The following GPHN variants were observed in gnomAD, a reference collection of about 807,000 sequenced individuals.
GPHN encodes the protein gephyrin.
GPHN carries 17 observed loss-of-function variants against 95.5 expected under a neutral mutation model. The ratio of observed to expected loss-of-function variants is 0.18; its 90% CI spans 0.12 to 0.27. The LOEUF is 0.27. Among genes scored for constraint, GPHN ranks in the 10% least tolerant of loss-of-function variants. GPHN has a pLI of 1.00. For synonymous variants in GPHN, 320 were observed against 322.5 expected, an observed-to-expected ratio of 0.99 and a Z score of 0.08; for missense variants, 660 against 978.1, an observed-to-expected ratio of 0.67 and a Z score of 4.34.
chr14:66,588,496 A>G (rs9944145), intron 1 of GPHN, among the ~76,000 whole-genome samples: 49,710 of 151,888 alleles, frequency 0.33, 11,972 homozygotes, highest in African/African-American at 0.65. Context: ...CTTGAAAAAA[A>G]GTTAGATGAA....
chr14:66,818,705 T>C (rs1363934347), intron 3 of GPHN, among the ~76,000 whole-genome samples: 7 of 152,198 alleles, frequency 4.6e-5, no homozygotes, highest in African/African-American at 1.7e-4. Context: ...TTGAACTAAT[T>C]TACCCTCCCA....
the GPHN span, chr14:67,592,794 A>AT: frequency 2.1e-6 from 2 of 970,540 alleles, no homozygotes; most frequent in East Asian, 2.6e-5. Context: ...TCCTTTATTT[A>AT]TTTATTTTTG....
intron 10 of GPHN, among the ~76,000 whole-genome samples, chr14:67,052,105 A>G (rs1450501271): frequency 2.6e-5 from 4 of 151,862 alleles, no homozygotes; most frequent in African/African-American, 9.7e-5. Context: ...AAATTCACAA[A>G]TATATTAACC....
chr14:67,272,323 C>A, the GPHN span, among the ~76,000 whole-genome samples: 1 of 152,178 alleles, frequency 6.6e-6, no homozygotes, highest in Non-Finnish European at 1.5e-5. Flanking sequence ...CATCTTCCCA[C>A]CTTTGGTTCA....
chr14:66,566,271 C>A (rs903541795), intron 1 of GPHN, among the ~76,000 whole-genome samples: 2 of 152,022 alleles, frequency 1.3e-5, no homozygotes, highest in African/African-American at 4.8e-5. Context: ...GGAAGAAATG[C>A]CACCATTTTG....
chr14:66,650,765 T>G (rs762061770), intron 1 of GPHN, among the ~76,000 whole-genome samples: 7 of 152,154 alleles, frequency 4.6e-5, no homozygotes, highest in Non-Finnish European at 7.3e-5. Context: ...CTTTGAATGA[T>G]TACATATCAG....
At chr14:67,449,903 C>A in the GPHN span, 1 of 152,224 alleles carries the variant, frequency 6.6e-6, no homozygotes, top group East Asian at 1.9e-4. Flanking sequence ...ACCAGCCTGA[C>A]CAATATGGAG....
In GPHN at chr14:66,744,725, C is replaced by T. The variant is rs377656655; in HGVS notation, c.144-31739C>T. 8.7e-4 allele frequency among the ~76,000 whole-genome samples: 132 copies of T among 152,176 alleles called. 4 individuals carry two copies. In the South Asian group the frequency reaches 0.027, roughly 31 times the overall value. ...CATTTTGTTAAGATGTTATTAGAGACAAATACAAAAAAATTCTGGCTCTCT... is the reference window on the plus strand; with the variant it reads ...CATTTTGTTAAGATGTTATTAGAGATAAATACAAAAAAATTCTGGCTCTCT... On this transcript the variant is annotated intron_variant, in intron 2 of 22. Transcript: ENST00000478722.
the GPHN span, among the ~76,000 whole-genome samples, chr14:67,413,120 C>T: frequency 1.6e-4 from 25 of 151,952 alleles, no homozygotes; most frequent in Non-Finnish European, 2.9e-4. Context: ...AAAAAATCCA[C>T]GATGAACAAA....
chr14:66,649,904 T>C (rs1275634214), intron 1 of GPHN, among the ~76,000 whole-genome samples: 1 of 152,190 alleles, frequency 6.6e-6, no homozygotes, highest in East Asian at 1.9e-4. Flanking sequence ...GTGGCCTGCT[T>C]ATTATTTTAT....
the GPHN span, chr14:67,735,113 A>C: frequency 1.3e-6 from 1 of 788,006 alleles, no homozygotes; most frequent in Non-Finnish European, 2.3e-6. Context: ...ATGCAAAAGA[A>C]AACAATGATA....
At chr14:66,707,846 A>G (rs2069239006) in intron 2 of GPHN, among the ~76,000 whole-genome samples, 1 of 152,180 alleles carries the variant, frequency 6.6e-6, no homozygotes, top group African/African-American at 2.4e-5. Flanking sequence ...GTGATGTTTC[A>G]ATGTAGGTAT....
intron 3 of GPHN, among the ~76,000 whole-genome samples, chr14:66,821,409 C>T (rs1008891905): frequency 2.6e-5 from 4 of 152,074 alleles, no homozygotes; most frequent in South Asian, 2.1e-4. Context: ...TTTCTAATTC[C>T]GTGACACCAC....
the GPHN span, chr14:67,645,505 G>C: frequency 1.1e-6 from 1 of 894,536 alleles, no homozygotes; most frequent in Non-Finnish European, 1.6e-6. Context: ...TACAGGTCTT[G>C]CCTCACCCAA....
the GPHN span, among the ~76,000 whole-genome samples, chr14:67,660,981 G>A: frequency 3.9e-5 from 6 of 152,146 alleles, no homozygotes; most frequent in Admixed American, 3.9e-4. Flanking sequence ...CAGTCTAGTG[G>A]CCTGGTCTTT....
the GPHN span, among the ~76,000 whole-genome samples, chr14:67,405,724 T>C: frequency 1.3e-5 from 2 of 152,204 alleles, no homozygotes; most frequent in Non-Finnish European, 2.9e-5. Context: ...TCTTTCTGAT[T>C]ATTTGCTGTG....
chr14:67,291,727 T>C, the GPHN span, among the ~76,000 whole-genome samples: 1 of 152,230 alleles, frequency 6.6e-6, no homozygotes, highest in Non-Finnish European at 1.5e-5. Context: ...TCATTAGAGT[T>C]TTATAGACCA....
At chr14:67,598,768 G>C in the GPHN span, among the ~76,000 whole-genome samples, 1 of 148,470 alleles carries the variant, frequency 6.7e-6, no homozygotes, top group African/African-American at 2.5e-5. Context: ...GGAGTGCAGT[G>C]GCGTGATCTC....
chr14:67,357,295 T>C, the GPHN span, among the ~76,000 whole-genome samples: 1 of 152,246 alleles, frequency 6.6e-6, no homozygotes, highest in African/African-American at 2.4e-5. Flanking sequence ...CTCCTTTACA[T>C]GTTTCAGAGC....
Sources: allele counts gnomAD v4.1 joint callset (sites outside exome capture counted in the v4.1 genomes callset), GRCh38; gene constraint gnomAD v4.1.1; transcripts MANE v1.5; gene names NCBI Gene and HGNC (gene_info 2026-07-23, HGNC 2026-07-21).